Variants in ANKRD11 observed in about 807,000 individuals in gnomAD.
ANKRD11 encodes the protein ankyrin repeat domain-containing protein 11.
A neutral mutation model predicts 195.7 loss-of-function variants in ANKRD11; 17 were observed. That is an observed-to-expected ratio of 0.09 (90% CI 0.06 to 0.13). The LOEUF (loss-of-function observed/expected upper bound fraction) is 0.13. Among genes scored for constraint, ANKRD11 ranks in the 10% least tolerant of loss-of-function variants. The pLI, the probability that ANKRD11 is intolerant of heterozygous loss-of-function variation, is 1.00. For synonymous variants in ANKRD11, 1,953 were observed against 1,528.1 expected, an observed-to-expected ratio of 1.28 and a Z score of -6.49; for missense variants, 3,735 against 3,566.1, an observed-to-expected ratio of 1.05 and a Z score of -1.21.
At chr16:89,313,077 C>T (rs980578137) in intron 3 of ANKRD11, among the ~76,000 whole-genome samples, 1 of 152,224 alleles carries the variant, frequency 6.6e-6, no homozygotes, top group African/African-American at 2.4e-5. Context: ...CTCCACACAG[C>T]TCGCCAGGTC....
intron 3 of ANKRD11, among the ~76,000 whole-genome samples, chr16:89,312,431 T>C (rs1050723238): frequency 1.3e-5 from 2 of 151,776 alleles, no homozygotes; most frequent in Non-Finnish European, 2.9e-5. Flanking sequence ...GCATGTGAAC[T>C]GGGTGGTGGG....
intron 3 of ANKRD11, among the ~76,000 whole-genome samples, chr16:89,316,481 A>T (rs1296858019): frequency 6.6e-6 from 1 of 152,254 alleles, no homozygotes; most frequent in Non-Finnish European, 1.5e-5. Flanking sequence ...ACCAGGAATC[A>T]GCGTTAACCG....
chr16:89,416,178 G>A lies in ANKRD11; in HGVS notation c.-60+2106C>T, dbSNP rs117615003. On this transcript the variant is annotated intron_variant, in intron 2 of 12. Transcript: ENST00000301030. ...CCTATGTCATCAAACCTAAGTATCA[G>A]TACATCTATTGTTCTCAATCCACTA... Among the ~76,000 whole-genome samples, 74 of 152,270 alleles carry A rather than the reference G, an allele frequency of 4.9e-4. No individual in the cohort carries two copies. In the East Asian group the frequency reaches 7.5e-3, roughly 15 times the overall value.
chr16:89,432,062 C>A (rs1265455160), intron 1 of ANKRD11, among the ~76,000 whole-genome samples: 1 of 152,094 alleles, frequency 6.6e-6, no homozygotes, highest in Non-Finnish European at 1.5e-5. Context: ...TCTTTACCTA[C>A]ATCATCATAA....
intron 1 of ANKRD11, among the ~76,000 whole-genome samples, chr16:89,456,249 A>AG (rs1326478462): frequency 2.7e-5 from 4 of 149,782 alleles, no homozygotes; most frequent in Non-Finnish European, 4.5e-5. Flanking sequence ...CAAAAAAAAA[A>AG]GGGGGGGTGG....
At chr16:89,480,060 G>C (rs1361474103) in intron 1 of ANKRD11, among the ~76,000 whole-genome samples, 1 of 151,452 alleles carries the variant, frequency 6.6e-6, no homozygotes, top group Admixed American at 6.6e-5. Context: ...GCAGTGAGCT[G>C]AGATCGTGTC....
At chr16:89,440,727 A>C (rs971158802) in intron 1 of ANKRD11, among the ~76,000 whole-genome samples, 1 of 152,226 alleles carries the variant, frequency 6.6e-6, no homozygotes, top group Non-Finnish European at 1.5e-5. Context: ...AGAGCCCTGG[A>C]GAAGCCAGAG....
intron 2 of ANKRD11, among the ~76,000 whole-genome samples, chr16:89,380,776 C>G (rs1044934762): frequency 1.3e-5 from 2 of 152,212 alleles, no homozygotes; most frequent in Non-Finnish European, 2.9e-5. Context: ...ATCTCCTGCA[C>G]GGGCAGCAGG....
chr16:89,282,404 A>G lies in ANKRD11; in HGVS notation c.4138T>C (p.Tyr1380His). The G allele has an allele frequency of 6.2e-7, 1 of 1,613,674 alleles. No homozygotes were observed. Among genetic ancestry groups the G allele is most frequent in the Middle Eastern group, 1.6e-4 (1 of 6,062 alleles). Residue 1380 changes from tyrosine to histidine, a missense_variant, in exon 9 of 13, where the codon TAC becomes CAC. Tyr to His is a moderately conservative substitution (Grantham distance 83). Transcript: ENST00000301030. ...KAEKKEKGEDYKEGGSRKDSG... is the reference protein window; with the variant it reads ...KAEKKEKGEDHKEGGSRKDSG... ...TCCTTCCTGCTACCGCCCTCCTTGT[A>G]ATCTTCGCCCTTCTCTTTCTTCTCG...
intron 1 of ANKRD11, among the ~76,000 whole-genome samples, chr16:89,469,791 C>A (rs868049103): frequency 8.6e-6 from 1 of 116,440 alleles, no homozygotes; most frequent in Admixed American, 9.1e-5. Context: ...CCCAGCTACT[C>A]GGGAGGCTGA....
intron 1 of ANKRD11, among the ~76,000 whole-genome samples, chr16:89,451,492 G>A (rs1391145365): frequency 2.0e-5 from 3 of 149,044 alleles, no homozygotes; most frequent in African/African-American, 2.5e-5. Flanking sequence ...GCTCACTGCA[G>A]ACTCCGCCTC....
chr16:89,329,722 C>A (rs2037945560), intron 2 of ANKRD11, among the ~76,000 whole-genome samples: 1 of 152,194 alleles, frequency 6.6e-6, no homozygotes, highest in Admixed American at 6.5e-5. Flanking sequence ...TCATTTAAAA[C>A]ATTAAATATA....
At chr16:89,391,600 G>A (rs566354429) in intron 2 of ANKRD11, among the ~76,000 whole-genome samples, 22 of 152,278 alleles carry the variant, frequency 1.4e-4, no homozygotes, top group Admixed American at 6.5e-4. Flanking sequence ...CCTACTAACT[G>A]AGCTTAGAAA....
intron 2 of ANKRD11, among the ~76,000 whole-genome samples, chr16:89,393,328 T>G (rs946978691): frequency 6.7e-6 from 1 of 149,568 alleles, no homozygotes; most frequent in African/African-American, 2.5e-5. Flanking sequence ...TTTTTTTTTT[T>G]GAGACGGAGG....
intron 2 of ANKRD11, among the ~76,000 whole-genome samples, chr16:89,384,661 G>A (rs2040818011): frequency 1.3e-5 from 2 of 152,114 alleles, no homozygotes; most frequent in South Asian, 4.1e-4. Context: ...CTTCAAAGGA[G>A]CTGCGAAGAC....
At position 89,430,154 on chromosome 16, in the gene ANKRD11, G is replaced by A. The variant is rs570392926; in HGVS notation, c.-144-11786C>T. Among the ~76,000 whole-genome samples, 234 of 99,276 alleles carry A rather than the reference G, an allele frequency of 2.4e-3. 1 individual carries two copies. Among genetic ancestry groups the A allele is most frequent in the African/African-American group, 9.0e-3 (209 of 23,330 alleles). The allele number at this position is 99,276 out of a possible 152,430, so 65.1% of individuals were successfully genotyped here. On this transcript the variant is annotated intron_variant, in intron 1 of 12. Transcript: ENST00000301030. Reference sequence around the variant, plus strand: ...CACAGCAGGGACTCTCAACTCTCGCGCTCAGTCGTTCTAGTACATAGCAGG... The same window carrying A: ...CACAGCAGGGACTCTCAACTCTCGCACTCAGTCGTTCTAGTACATAGCAGG...
intron 2 of ANKRD11, among the ~76,000 whole-genome samples, chr16:89,376,526 C>T (rs549804946): frequency 1.3e-5 from 2 of 152,350 alleles, no homozygotes; most frequent in African/African-American, 4.8e-5. Context: ...CAACTTCCAC[C>T]TGCTGGGTTC....
At chr16:89,293,205 C>G (rs191616014) in intron 4 of ANKRD11, among the ~76,000 whole-genome samples, 1 of 152,168 alleles carries the variant, frequency 6.6e-6, no homozygotes, top group South Asian at 2.1e-4. Flanking sequence ...TTTGGAGACA[C>G]GAAGCCCCCT....
chr16:89,302,133 A>G (rs1348001790), intron 4 of ANKRD11, among the ~76,000 whole-genome samples: 1 of 151,596 alleles, frequency 6.6e-6, no homozygotes, highest in Non-Finnish European at 1.5e-5. Flanking sequence ...CCTCCACCCC[A>G]CTCATTTCTG....
Sources: gnomAD v4.1 joint callset for allele counts (sites outside exome capture counted in the v4.1 genomes callset) on GRCh38, gnomAD v4.1.1 for gene constraint, MANE v1.5 for transcripts, NCBI Gene and HGNC (gene_info 2026-07-23, HGNC 2026-07-21) for gene names.